The following NPC1L1 variants were observed in gnomAD, a reference collection of about 807,000 sequenced individuals.
NPC1L1 encodes the protein NPC1-like intracellular cholesterol transporter 1.
In NPC1L1, 98 loss-of-function variants were observed where a neutral mutation model predicts 117.0. The ratio of observed to expected loss-of-function variants is 0.84; its 90% CI spans 0.71 to 0.99. The LOEUF is 0.99. NPC1L1 is among the 50% of genes least tolerant of loss of function. NPC1L1 has a pLI of 0.00. For missense variants in NPC1L1, 1,540 were observed against 1,710.0 expected, an observed-to-expected ratio of 0.90 and a Z score of 1.75; for synonymous variants, 729 against 727.6, an observed-to-expected ratio of 1.00 and a Z score of -0.03.
At chr7:44,513,729 A>T (rs973177945) in intron 18 of NPC1L1, 80 bp from the exon 19 acceptor site, 1 of 1,501,200 alleles carries the variant, frequency 6.7e-7, no homozygotes, top group African/African-American at 1.4e-5. Context: ...CTGTACAACA[A>T]ACCCAGGGCA....
rs2117030580 is a variant in NPC1L1, at chr7:44,520,779, T to C, written c.3122A>G (p.Asp1041Gly). Residue 1041 changes from aspartate (D) to glycine (G), a missense_variant, in exon 14 of 19, where the codon GAT (aspartate) becomes GGT (glycine). Asp to Gly is a moderately conservative substitution (Grantham distance 94). Around this residue, in one of 3 missense-constraint regions of NPC1L1, gnomAD observed 742 missense variants for 873.6 expected, o/e 0.85. Coordinates refer to ENST00000381160, the MANE Select transcript of NPC1L1 (RefSeq NM_001101648.2). ...GCCATGCTTACCTAAAACCTGGCCA[T>C]CTGAAGTCAAGTTCACAGAGGTGCT... ...AYSTSVNLTS[D>G]GQVLASRFMA... 1.2e-6 allele frequency: 2 copies of C among 1,614,068 alleles called. No individual in the cohort carries two copies. Among genetic ancestry groups the C allele is most frequent in the Non-Finnish European group, 1.7e-6 (2 of 1,179,998 alleles).
At chr7:44,526,896 C>T (rs1005118675) in intron 10 of NPC1L1, among the ~76,000 whole-genome samples, 12 of 151,622 alleles carry the variant, frequency 7.9e-5, no homozygotes, top group African/African-American at 2.4e-4. Flanking sequence ...TGGTGGCATG[C>T]ACCTGTAATC....
At position 44,538,190 on chromosome 7, in the gene NPC1L1, G is replaced by A. The variant is rs1801958815; in HGVS notation, c.1580+627C>T. Among the ~76,000 whole-genome samples the A allele has an allele frequency of 1.3e-5, 2 of 152,210 alleles. No homozygotes were observed. Among genetic ancestry groups the A allele is most frequent in the Admixed American group, 6.5e-5 (1 of 15,280 alleles). ...ACCTCAAGGAGCCTCCACTGCCAAGGCCCTGCTGCTGCCCTTGGCTCTTGG... is the reference window on the plus strand; with the variant it reads ...ACCTCAAGGAGCCTCCACTGCCAAGACCCTGCTGCTGCCCTTGGCTCTTGG... On this transcript the variant is annotated intron_variant, in intron 2 of 18. Transcript: ENST00000381160. This position sits in a 1 kb window ranked among gnomAD's most constrained non-coding sequence, Gnocchi z 5.9.
At chr7:44,516,586 A>G in intron 16 of NPC1L1, 117 bp downstream of exon 16, 7 of 876,498 alleles carry the variant, frequency 8.0e-6, no homozygotes, top group Non-Finnish European at 1.3e-5. Flanking sequence ...AGCCTGAGCA[A>G]CAGAGCAAGA....
At chr7:44,519,282 G>A (rs183374697) in intron 14 of NPC1L1, among the ~76,000 whole-genome samples, 4 of 152,284 alleles carry the variant, frequency 2.6e-5, no homozygotes, top group Admixed American at 2.0e-4. Flanking sequence ...GACTAACCTA[G>A]TGCACACACA....
intron 18 of NPC1L1, among the ~76,000 whole-genome samples, chr7:44,514,867 G>C (rs1801137058): frequency 6.6e-6 from 1 of 151,276 alleles, no homozygotes; most frequent in South Asian, 2.1e-4. Context: ...AAATAAATTG[G>C]CCAGGCGTGG....
chr7:44,532,761 T>C lies in NPC1L1; in HGVS notation c.2410-544A>G, dbSNP rs533873119. Among the ~76,000 whole-genome samples, 3 of 152,384 alleles carry C rather than the reference T, an allele frequency of 2.0e-5. No homozygotes were observed. In the East Asian group the frequency reaches 5.8e-4, roughly 29 times the overall value. ...AAGATGTGTTATCGACTATTTATGT[T>C]ATCATTAAGGCTTCCAGTCAATAGT... On this transcript the variant is annotated intron_variant, in intron 8 of 18. Coordinates refer to ENST00000381160, the MANE Select transcript of NPC1L1 (RefSeq NM_001101648.2).
In NPC1L1 at chr7:44,531,919, C is replaced by T. The variant is rs889438178; in HGVS notation, c.2548-75G>A. ...CATCTCCCCACAAATTTAAGTCAGT[C>T]AGGGTGTCATGGGCAACATTCTGGA... On this transcript the variant is annotated intron_variant, in intron 9 of 18. Transcript: ENST00000381160. 4 of 1,526,856 alleles carry T rather than the reference C, an allele frequency of 2.6e-6. No individual in the cohort carries two copies. The African/African-American group carries it at 4.1e-5, about 16-fold the overall frequency. 94.6% of individuals were successfully genotyped at this position (1,526,856 alleles called of 1,614,324 possible).
At position 44,520,746 on chromosome 7, in the gene NPC1L1, CAGGCAAGGCCA is replaced by C; in HGVS notation, c.3136+8_3136+18del. The C allele has an allele frequency of 6.2e-7, 1 of 1,611,098 alleles. No homozygotes were observed. Among genetic ancestry groups the C allele is most frequent in the African/African-American group, 1.3e-5 (1 of 74,992 alleles). On this transcript the variant is annotated splice_region_variant and intron_variant, in intron 14 of 18. Coordinates refer to ENST00000381160, the MANE Select transcript of NPC1L1 (RefSeq NM_001101648.2). ...AGCAACCGATTTATGTCCTCCCCTC[CAGGCAAGGCCA>C]TGCTTACCTAAAACCTGGCCATCTG...
Position 44,539,420 on chromosome 7 carries a change from G to C in NPC1L1, c.977C>G (p.Ser326Cys). 1 of 1,614,090 alleles carries C rather than the reference G, an allele frequency of 6.2e-7. No homozygotes were observed. The highest frequency in any genetic ancestry group is 8.5e-7 in the Non-Finnish European group (1 of 1,179,992). ...GTGGGTGGAGAAGCTGAGCTTGTCAGAGAGGCTGGTGCCCTTCTTGGGGTC... is the reference window on the plus strand; with the variant it reads ...GTGGGTGGAGAAGCTGAGCTTGTCACAGAGGCTGGTGCCCTTCTTGGGGTC... ...MVDPKKGTSL[S>C]DKLSFSTHTL... Residue 326 changes from serine to cysteine, a missense_variant, in exon 2 of 19, where the codon TCT (serine) becomes TGT (cysteine). Physicochemically the swap from Ser to Cys is moderately radical, Grantham distance 112 (BLOSUM62 -1). Coordinates refer to ENST00000381160, the MANE Select transcript of NPC1L1 (RefSeq NM_001101648.2). The surrounding 1 kb of genome is among the most constrained non-coding windows in gnomAD (Gnocchi z 4.4).
chr7:44,527,401 G>T (rs1585138189), intron 10 of NPC1L1, among the ~76,000 whole-genome samples: 1 of 141,042 alleles, frequency 7.1e-6, no homozygotes, highest in East Asian at 2.1e-4. Flanking sequence ...AGGTTGCGGT[G>T]AGCTGAGATC....
At chr7:44,525,054 A>G (rs1186779990) in intron 10 of NPC1L1, among the ~76,000 whole-genome samples, 1 of 152,164 alleles carries the variant, frequency 6.6e-6, no homozygotes, top group Non-Finnish European at 1.5e-5. Context: ...AGCAGAGCCT[A>G]AGGGACCTGT....
intron 10 of NPC1L1, among the ~76,000 whole-genome samples, chr7:44,528,619 T>C (rs1226412701): frequency 2.0e-5 from 3 of 152,194 alleles, no homozygotes; most frequent in Non-Finnish European, 2.9e-5. Flanking sequence ...ATTTCACTAG[T>C]AGCAATCAAC....
intron 9 of NPC1L1, 64 bp from the exon 10 acceptor site, chr7:44,531,908 T>G (rs1442666118): frequency 9.8e-6 from 15 of 1,530,514 alleles, no homozygotes; most frequent in Non-Finnish European, 9.8e-6. Flanking sequence ...TCCCCACAAA[T>G]TTAAGTCAGT....
In NPC1L1 at chr7:44,536,055, T is replaced by C; in HGVS notation, c.1855-87A>G. ...AATAGCTCGGTCACTGGGCACTAAT[T>C]GTGTGTTGTGTCATAGGGCCTGATG... is the stretch of plus-strand genomic sequence containing the variant. On this transcript the variant is annotated intron_variant, in intron 4 of 18. Coordinates refer to ENST00000381160, the MANE Select transcript of NPC1L1 (RefSeq NM_001101648.2). This position sits in a 1 kb window ranked among gnomAD's most constrained non-coding sequence, Gnocchi z 4.7. 3.1e-6 allele frequency: 5 copies of C among 1,603,136 alleles called. No homozygotes were observed. Among genetic ancestry groups the C allele is most frequent in the Non-Finnish European group, 4.3e-6 (5 of 1,173,198 alleles).
intron 10 of NPC1L1, among the ~76,000 whole-genome samples, chr7:44,525,654 C>T (rs1458967545): frequency 1.3e-5 from 2 of 151,736 alleles, no homozygotes; most frequent in African/African-American, 4.8e-5. Context: ...GGGAGGATTG[C>T]TTGAGCCCAG....
chr7:44,541,088 G>T, intron 1 of NPC1L1, 118 bp downstream of exon 1: 1 of 1,131,308 alleles, frequency 8.8e-7, no homozygotes, highest in Non-Finnish European at 1.3e-6. Flanking sequence ...GACTTGCCCA[G>T]CCCGCAGGCC....
In NPC1L1 at chr7:44,534,590, C is replaced by T. The variant is rs751096007; in HGVS notation, c.2023G>A (p.Val675Met). Residue 675 changes from valine (V) to methionine (M), a missense_variant, in exon 6 of 19, where the codon GTG becomes ATG. This residue lies in a region of NPC1L1 where 742 missense variants were observed against 873.6 expected (regional missense o/e 0.85). Coordinates refer to ENST00000381160, the MANE Select transcript of NPC1L1 (RefSeq NM_001101648.2). This position sits in a 1 kb window ranked among gnomAD's most constrained non-coding sequence, Gnocchi z 5.2. ...GCAGCCATGACTGCTCCCAGGACCA[C>T]GGCCACCCCGCCGAGGCCCAGCGTG... is the stretch of plus-strand genomic sequence containing the variant. ...KATLGLGGVAVVLGAVMAAMG... is the reference protein window; with the variant it reads ...KATLGLGGVAMVLGAVMAAMG... The T allele has an allele frequency of 4.3e-6, 7 of 1,614,106 alleles. No homozygotes were observed. The East Asian group carries it at 8.9e-5, about 21-fold the overall frequency.
chr7:44,513,415 G>T lies in NPC1L1; in HGVS notation c.*32C>A. The T allele has an allele frequency of 6.2e-7, 1 of 1,603,496 alleles. No individual in the cohort carries two copies. On this transcript the variant is annotated 3_prime_UTR_variant, in exon 19 of 19. Transcript: ENST00000381160. ...GATCCCCATAACCCTTTGGTTCAGG[G>T]CCATAGAGCCTAGACAGGGCCTCTG...
Sources: allele counts gnomAD v4.1 joint callset (sites outside exome capture counted in the v4.1 genomes callset), GRCh38; gene constraint gnomAD v4.1.1; regional missense constraint gnomAD v4.1.1; non-coding constraint Gnocchi (gnomAD v3.1); transcripts MANE v1.5; gene names NCBI Gene and HGNC (gene_info 2026-07-23, HGNC 2026-07-21).